The following CCNB2 variants were observed in gnomAD, a reference collection of about 807,000 sequenced individuals.
CCNB2 encodes cyclin B2.
In CCNB2, 39 loss-of-function variants were observed where a neutral mutation model predicts 51.1. That is an observed-to-expected ratio of 0.76 (90% CI 0.59 to 1.00). The LOEUF (loss-of-function observed/expected upper bound fraction) is 1.00, where lower values mean the gene tolerates loss of function less well. Ranked by LOEUF, CCNB2 falls within the 50% of genes least tolerant of loss-of-function variation. The pLI, the probability that CCNB2 is intolerant of heterozygous loss-of-function variation, is 0.00. For missense variants in CCNB2, 472 were observed against 470.3 expected, an observed-to-expected ratio of 1.00 and a Z score of -0.03; for synonymous variants, 174 against 165.5, an observed-to-expected ratio of 1.05 and a Z score of -0.40.
chr15:59,120,952 C>T (rs1226207609), intron 7 of CCNB2: 2 of 152,006 alleles, frequency 1.3e-5, no homozygotes, highest in Non-Finnish European at 2.9e-5. Flanking sequence ...CCTATTCATG[C>T]CCAAAATGTT....
At chr15:59,115,686 C>A (rs1453908303) in intron 5 of CCNB2, 1 of 152,116 alleles carries the variant, frequency 6.6e-6, no homozygotes, top group Non-Finnish European at 1.5e-5. Flanking sequence ...GCATGCATTC[C>A]TCTTTGGGCA....
chr15:59,107,221 G>A (rs1422443078), intron 1 of CCNB2, 101 bp from the exon 2 acceptor site: 8 of 1,042,348 alleles, frequency 7.7e-6, no homozygotes, highest in Admixed American at 5.5e-5. Flanking sequence ...AGATCTTGAC[G>A]TATTGTCCTT....
intron 3 of CCNB2, among the ~76,000 whole-genome samples, chr15:59,109,349 C>T (rs1280550749): frequency 6.6e-6 from 1 of 152,124 alleles, no homozygotes; most frequent in African/African-American, 2.4e-5. Flanking sequence ...AATGGTTATT[C>T]TCCATACCCA....
rs28383555 is a variant in CCNB2 at position 59,123,897 on chromosome 15, G to A, written c.1086+270G>A. Reference sequence around the variant, plus strand: ...CCAGTCAACCAGTCGGTTACTCAATGTATTGAATTACTCTGTGCTTATACT... The same window carrying A: ...CCAGTCAACCAGTCGGTTACTCAATATATTGAATTACTCTGTGCTTATACT... On this transcript the variant is annotated intron_variant, in intron 8 of 8. Coordinates refer to ENST00000288207, the MANE Select transcript of CCNB2 (RefSeq NM_004701.4). The A allele has an allele frequency of 3.6e-3, 1,338 of 374,318 alleles. 27 individuals carry two copies. The highest frequency in any genetic ancestry group is 0.024 in the African/African-American group (1,157 of 48,706). 23.2% of individuals were successfully genotyped at this position (374,318 alleles called of 1,614,324 possible).
rs1206287949 is a variant in CCNB2 at position 59,105,247 on chromosome 15, A to C, written c.-22A>C. On this transcript the variant is annotated 5_prime_UTR_variant, in exon 1 of 9. Transcript: ENST00000288207. ...GCGTCCCTCCCTGGGCCGGGCTGGCACTCTTGCCTTCCCCGTCCCTCATGG... is the reference window on the plus strand; with the variant it reads ...GCGTCCCTCCCTGGGCCGGGCTGGCCCTCTTGCCTTCCCCGTCCCTCATGG... 6.4e-6 allele frequency: 10 copies of C among 1,559,396 alleles called. No individual in the cohort carries two copies. The highest frequency in any genetic ancestry group is 1.4e-5 in the African/African-American group (1 of 73,330).
At position 59,115,129 on chromosome 15, in the gene CCNB2, A is replaced by G. The variant is rs867963975; in HGVS notation, c.597+253A>G. On this transcript the variant is annotated intron_variant, in intron 5 of 8. Transcript: ENST00000288207. ...TTGGGGGAAATATTGCATTGCCACA[A>G]TCCTTCATCAGAGGAAATATACCAT... is the stretch of plus-strand genomic sequence containing the variant. Among the ~76,000 whole-genome samples the G allele has an allele frequency of 4.6e-4, 70 of 152,346 alleles. 1 individual carries two copies. The Middle Eastern group carries it at 0.017, about 37-fold the overall frequency.
rs781400947 is a variant in CCNB2, at chr15:59,114,771, C to T, written c.492C>T (p.Arg164=). Residue 164 remains arginine, a synonymous_variant, in exon 5 of 9, where the codon CGC becomes CGT. Transcript: ENST00000288207. ...HFLDGRDING[R]MRAILVDWLV... is the part of the protein sequence containing the mutation. ...TAGATGGAAGAGATATAAATGGACG[C>T]ATGCGTGCCATCCTAGTGGATTGGC... is the stretch of plus-strand genomic sequence containing the variant. 6.2e-7 allele frequency: 1 copy of T among 1,614,032 alleles called. No individual in the cohort carries two copies. Among genetic ancestry groups the T allele is most frequent in the Admixed American group, 1.7e-5 (1 of 60,000 alleles).
intron 8 of CCNB2, chr15:59,124,434 GA>G (rs2079316605): frequency 6.8e-6 from 2 of 292,398 alleles, no homozygotes; most frequent in Non-Finnish European, 6.5e-6. Flanking sequence ...CAGGCCTGGT[GA>G]ACCTGTTATG....
At chr15:59,109,763 G>A (rs1023795067) in intron 3 of CCNB2, among the ~76,000 whole-genome samples, 5 of 152,314 alleles carry the variant, frequency 3.3e-5, no homozygotes, top group East Asian at 3.9e-4. Context: ...GAGGCGGGCG[G>A]ATCGCGAGGT....
Position 59,124,791 on chromosome 15 carries a change from A to T in CCNB2, c.1111A>T (p.Ser371Cys), listed in dbSNP as rs1450230493. The change falls in exon 9 of 9, where the codon AGC (serine) becomes TGC (cysteine). Residue 371 changes from serine (S) to cysteine (C), a missense_variant. Transcript: ENST00000288207. The stretch of plus-strand genomic sequence containing the variant: ...GGCCATCAAGAATAAGTATGCAAGC[A>T]GCAAACTCCTGAAGATCAGCATGAT... The part of the protein sequence containing the change: ...FIAIKNKYAS[S>C]KLLKISMIPQ... 8 of 1,613,816 alleles carry T rather than the reference A, an allele frequency of 5.0e-6. No homozygotes were observed. The highest frequency in any genetic ancestry group is 6.8e-6 in the Non-Finnish European group (8 of 1,179,882).
At chr15:59,114,975 C>T (rs1240523686) in intron 5 of CCNB2, 99 bp downstream of exon 5, 2 of 1,259,610 alleles carry the variant, frequency 1.6e-6, no homozygotes, top group Non-Finnish European at 2.2e-6. Flanking sequence ...GAAAAAAAGA[C>T]CAAAAATCAA....
chr15:59,121,575 T>C (rs989222625), intron 7 of CCNB2: 2 of 152,180 alleles, frequency 1.3e-5, no homozygotes, highest in Admixed American at 6.5e-5. Flanking sequence ...GGCAGACAGA[T>C]TGCTTGAGCC....
In CCNB2 at chr15:59,114,587, T is replaced by A. The variant is rs1370825940; in HGVS notation, c.411T>A (p.Asp137Glu). 6.3e-6 allele frequency: 10 copies of A among 1,598,616 alleles called. No individual in the cohort carries two copies. The highest frequency in any genetic ancestry group is 8.5e-6 in the Non-Finnish European group (10 of 1,170,468). The change falls in exon 4 of 9, where the codon GAT becomes GAA. Residue 137 changes from aspartate to glutamate, a missense_variant. Asp to Glu is a conservative substitution (Grantham distance 45, BLOSUM62 2). Transcript: ENST00000288207. ...NPQLCSDYVK[D>E]IYQYLRQLEV... ...AGCTCTGCAGTGACTACGTTAAGGA[T>A]ATCTATCAGTATCTCAGGCAGCTGG...
At chr15:59,109,686 C>A (rs2079250192) in intron 3 of CCNB2, among the ~76,000 whole-genome samples, 1 of 152,114 alleles carries the variant, frequency 6.6e-6, no homozygotes, top group African/African-American at 2.4e-5. Context: ...TCATTTTCTT[C>A]CTTAAAACGT....
At chr15:59,113,913 G>C (rs1221016067) in intron 3 of CCNB2, among the ~76,000 whole-genome samples, 1 of 152,206 alleles carries the variant, frequency 6.6e-6, no homozygotes, top group Admixed American at 6.5e-5. Context: ...TATTGGCCAG[G>C]CTGGTCTTGA....
chr15:59,119,551 C>T (rs1217878233), intron 7 of CCNB2, among the ~76,000 whole-genome samples: 1 of 151,268 alleles, frequency 6.6e-6, no homozygotes, highest in African/African-American at 2.4e-5. Flanking sequence ...AAATAAAGGA[C>T]TAAAGTGGTA....
chr15:59,107,492 C>G (rs571854426), intron 2 of CCNB2, 42 bp downstream of exon 2: 120 of 1,613,692 alleles, frequency 7.4e-5, no homozygotes, highest in Non-Finnish European at 9.9e-5. Context: ...GAGGCCGATT[C>G]TGTATAGTGC....
chr15:59,105,326 G>C (rs372194721), intron 1 of CCNB2, 34 bp downstream of exon 1: 20 of 1,545,082 alleles, frequency 1.3e-5, no homozygotes, highest in Non-Finnish European at 2.6e-6. Flanking sequence ...TCAGAGGCGA[G>C]TCCGTCGGCC....
At chr15:59,120,892 A>C (rs2079299257) in intron 7 of CCNB2, 1 of 152,214 alleles carries the variant, frequency 6.6e-6, no homozygotes, top group Non-Finnish European at 1.5e-5. Context: ...CCACTGGCAG[A>C]CGACCTGAGT....
Sources: gnomAD v4.1 joint callset for allele counts (sites outside exome capture counted in the v4.1 genomes callset) on GRCh38, gnomAD v4.1.1 for gene constraint, MANE v1.5 for transcripts, NCBI Gene and HGNC (gene_info 2026-07-23, HGNC 2026-07-21) for gene names.